GAB2: variants seen among roughly 807,000 people sequenced by gnomAD.
The protein encoded by GAB2 is GRB2-associated-binding protein 2.
GAB2 carries 26 observed loss-of-function variants against 65.5 expected under a neutral mutation model. The observed-to-expected ratio is 0.40, with a 90% CI of 0.29 to 0.55. The LOEUF is 0.55. Ranked by LOEUF, GAB2 falls within the 20% of genes least tolerant of loss-of-function variation. GAB2 has a pLI of 0.53. For missense variants in GAB2, 884 were observed against 875.8 expected, an observed-to-expected ratio of 1.01 and a Z score of -0.12; for synonymous variants, 321 against 329.6, an observed-to-expected ratio of 0.97 and a Z score of 0.28.
chr11:78,279,995 G>A (rs1263606272), intron 2 of GAB2, among the ~76,000 whole-genome samples: 1 of 152,134 alleles, frequency 6.6e-6, no homozygotes, highest in Non-Finnish European at 1.5e-5. Flanking sequence ...CTAAACAAAT[G>A]TTAAGGAGCA....
chr11:78,333,942 A>G (rs1051818348), intron 1 of GAB2, among the ~76,000 whole-genome samples: 3 of 152,076 alleles, frequency 2.0e-5, no homozygotes, highest in Admixed American at 6.5e-5. Flanking sequence ...TTGCTGATTC[A>G]TATTTCTCTC....
At chr11:78,310,707 C>T (rs113335977) in intron 1 of GAB2, among the ~76,000 whole-genome samples, 31 of 152,142 alleles carry the variant, frequency 2.0e-4, no homozygotes, top group Non-Finnish European at 3.2e-4. Context: ...CAAGGCGAAC[C>T]GCAGCCCAGG....
In GAB2 at chr11:78,302,757, G is replaced by A. The variant is rs547321547; in HGVS notation, c.76-21856C>T. Among the ~76,000 whole-genome samples, 63 of 152,122 alleles carry A rather than the reference G, an allele frequency of 4.1e-4. 2 individuals are homozygous for A. The highest frequency in any genetic ancestry group is 8.4e-4 in the Non-Finnish European group (57 of 68,028). On this transcript the variant is annotated intron_variant, in intron 1 of 9. Coordinates refer to ENST00000361507, the MANE Select transcript of GAB2 (RefSeq NM_080491.3). ...GCTTATAGCAGCACAATTTGCAATCGCAAAAATGTGGAACCATCCCAAATA... is the reference window on the plus strand; with the variant it reads ...GCTTATAGCAGCACAATTTGCAATCACAAAAATGTGGAACCATCCCAAATA...
At chr11:78,274,039 C>G (rs925841541) in intron 2 of GAB2, among the ~76,000 whole-genome samples, 1 of 151,726 alleles carries the variant, frequency 6.6e-6, no homozygotes, top group Non-Finnish European at 1.5e-5. Context: ...ATTGCCCAGT[C>G]TCAGGTATGT....
chr11:78,280,556 C>A, intron 2 of GAB2, 45 bp downstream of exon 2: 1 of 1,481,604 alleles, frequency 6.7e-7, no homozygotes, highest in Admixed American at 1.8e-5. Flanking sequence ...ATCCAAGGGC[C>A]TCACCTCAAC....
chr11:78,390,892 T>C (rs1057410977), intron 1 of GAB2, among the ~76,000 whole-genome samples: 3 of 152,170 alleles, frequency 2.0e-5, no homozygotes, highest in Non-Finnish European at 2.9e-5. Context: ...CTGTTCTAGA[T>C]TGATGAGGAT....
Position 78,275,565 on chromosome 11 carries a change from C to G in GAB2, c.376+5036G>C, listed in dbSNP as rs946749516. On this transcript the variant is annotated intron_variant, in intron 2 of 9. Transcript: ENST00000361507. Reference sequence around the variant, plus strand: ...CATGTGACTGAATCTTTTAACATACCAGATTCTCCTCTGAGATAGAAGAAA... The same window carrying G: ...CATGTGACTGAATCTTTTAACATACGAGATTCTCCTCTGAGATAGAAGAAA... 2.6e-5 allele frequency among the ~76,000 whole-genome samples: 4 copies of G among 152,054 alleles called. No individual in the cohort carries two copies. The South Asian group carries it at 6.2e-4, about 24-fold the overall frequency.
At chr11:78,343,188 CCAT>C (rs376958862) in intron 1 of GAB2, among the ~76,000 whole-genome samples, 387 of 152,180 alleles carry the variant, frequency 2.5e-3, no homozygotes, top group African/African-American at 8.8e-3. Flanking sequence ...TAGAAAACCA[CCAT>C]GAGAAAATAT....
At position 78,389,943 on chromosome 11, in the gene GAB2, G is replaced by T. The variant is rs188503400; in HGVS notation, c.75+27703C>A. On this transcript the variant is annotated intron_variant, in intron 1 of 9. Transcript: ENST00000361507. ...TTTGTTGCATAATAATTTTGTACATGGATAAGATAATACTTTGTTCTTTTC... is the reference window on the plus strand; with the variant it reads ...TTTGTTGCATAATAATTTTGTACATTGATAAGATAATACTTTGTTCTTTTC... Among the ~76,000 whole-genome samples, 705 of 144,172 alleles carry T rather than the reference G, an allele frequency of 4.9e-3. 2 individuals carry two copies. The highest frequency in any genetic ancestry group is 7.6e-3 in the Non-Finnish European group (516 of 67,876). The allele number at this position is 144,172 out of a possible 152,430, so 94.6% of individuals were successfully genotyped here.
intron 1 of GAB2, among the ~76,000 whole-genome samples, chr11:78,325,032 G>A (rs906895165): frequency 2.6e-5 from 4 of 152,122 alleles, no homozygotes; most frequent in Non-Finnish European, 4.4e-5. Context: ...ATTGGCAAAC[G>A]ATGCAAACCA....
chr11:78,225,221 T>C lies in GAB2; in HGVS notation c.1208-19A>G. On this transcript the variant is annotated intron_variant, in intron 4 of 9. Coordinates refer to ENST00000361507, the MANE Select transcript of GAB2 (RefSeq NM_080491.3). ...GAAGAAGCTGACAGAGGAAGGAGGATTCATAAGTACTCATGGTTGATTCAT... is the reference window on the plus strand; with the variant it reads ...GAAGAAGCTGACAGAGGAAGGAGGACTCATAAGTACTCATGGTTGATTCAT... The C allele has an allele frequency of 2.6e-6, 4 of 1,526,392 alleles. No homozygotes were observed. Among genetic ancestry groups the C allele is most frequent in the Middle Eastern group, 1.7e-4 (1 of 5,888 alleles). 94.6% of individuals were successfully genotyped at this position (1,526,392 alleles called of 1,614,324 possible).
At chr11:78,355,846 G>C (rs1360925616) in intron 1 of GAB2, among the ~76,000 whole-genome samples, 1 of 152,094 alleles carries the variant, frequency 6.6e-6, no homozygotes, top group Non-Finnish European at 1.5e-5. Flanking sequence ...GGCTGGGTCA[G>C]TCACTTAACC....
chr11:78,309,307 T>G (rs1855437826), intron 1 of GAB2, among the ~76,000 whole-genome samples: 1 of 152,090 alleles, frequency 6.6e-6, no homozygotes, highest in Non-Finnish European at 1.5e-5. Context: ...ACTTGCAAGG[T>G]TGTACAACCA....
intron 3 of GAB2, among the ~76,000 whole-genome samples, chr11:78,232,411 T>G (rs2450130): frequency 0.19 from 29,593 of 152,132 alleles, 3,109 homozygotes; most frequent in East Asian, 0.4. Context: ...GGCTAGAATC[T>G]GGAATGAGGC....
chr11:78,409,781 C>A (rs1857103323), intron 1 of GAB2, among the ~76,000 whole-genome samples: 2 of 152,040 alleles, frequency 1.3e-5, no homozygotes, highest in African/African-American at 4.8e-5. Flanking sequence ...ATATAATTGA[C>A]ATTTATGGAA....
intron 1 of GAB2, among the ~76,000 whole-genome samples, chr11:78,286,538 A>G (rs981269889): frequency 6.6e-6 from 1 of 152,112 alleles, no homozygotes; most frequent in African/African-American, 2.4e-5. Flanking sequence ...CAAAAACTAC[A>G]TGGCAGAGTG....
intron 1 of GAB2, among the ~76,000 whole-genome samples, chr11:78,284,732 T>C (rs781301701): frequency 2.2e-4 from 34 of 152,112 alleles, no homozygotes; most frequent in Non-Finnish European, 4.6e-4. Flanking sequence ...TCACAAAGCA[T>C]GTATACCCCC....
chr11:78,404,379 CA>C (rs1371254727), intron 1 of GAB2, among the ~76,000 whole-genome samples: 1 of 152,080 alleles, frequency 6.6e-6, no homozygotes, highest in Non-Finnish European at 1.5e-5. Flanking sequence ...CTCACCTCTG[CA>C]AAAAATAAAA....
intron 1 of GAB2, among the ~76,000 whole-genome samples, chr11:78,332,499 C>T (rs1434747629): frequency 1.3e-5 from 2 of 152,162 alleles, no homozygotes; most frequent in African/African-American, 2.4e-5. Flanking sequence ...AAGGTAAAAG[C>T]CCCAGTGTCC....
Sources: allele counts gnomAD v4.1 joint callset (sites outside exome capture counted in the v4.1 genomes callset), GRCh38; gene constraint gnomAD v4.1.1; transcripts MANE v1.5; gene names NCBI Gene and HGNC (gene_info 2026-07-23, HGNC 2026-07-21).